DENND1A: variants seen among roughly 807,000 people sequenced by gnomAD.
DENND1A encodes DENN domain containing 1A.
Under a neutral mutation model 113.7 loss-of-function variants are expected in DENND1A, and 51 were observed. That is an observed-to-expected ratio of 0.45 (90% CI 0.36 to 0.57). The LOEUF (loss-of-function observed/expected upper bound fraction) is 0.57. Ranked by LOEUF, DENND1A falls within the 20% of genes least tolerant of loss-of-function variation. DENND1A has a pLI of 0.00. For synonymous variants in DENND1A, 565 were observed against 570.8 expected (o/e 0.99, Z 0.14); for missense variants, 1,258 against 1,395.9 (o/e 0.90, Z 1.57).
chr9:123,518,475 C>G (rs2054121323), intron 13 of DENND1A, among the ~76,000 whole-genome samples: 1 of 152,188 alleles, frequency 6.6e-6, no homozygotes, highest in African/African-American at 2.4e-5. Flanking sequence ...TGAGTTGGTC[C>G]TGCCCACCTA....
intron 13 of DENND1A, among the ~76,000 whole-genome samples, chr9:123,500,902 T>C (rs1050024404): frequency 6.6e-6 from 1 of 152,190 alleles, no homozygotes; most frequent in Admixed American, 6.5e-5. Context: ...GTCTACTAAC[T>C]TTCTTTTTTG....
intron 5 of DENND1A, among the ~76,000 whole-genome samples, chr9:123,728,730 G>A (rs1316699510): frequency 3.3e-5 from 5 of 152,012 alleles, no homozygotes; most frequent in Middle Eastern, 3.2e-3. Context: ...ATGATGCCAC[G>A]ATTAAGACAG....
intron 20 of DENND1A, among the ~76,000 whole-genome samples, chr9:123,407,768 C>T (rs546026563): frequency 1.3e-5 from 2 of 152,292 alleles, no homozygotes; most frequent in African/African-American, 4.8e-5. Flanking sequence ...AGCCAATTCC[C>T]CACTGGATTT....
intron 12 of DENND1A, among the ~76,000 whole-genome samples, chr9:123,578,896 GC>G (rs778682821): frequency 2.1e-4 from 32 of 152,230 alleles, no homozygotes; most frequent in Admixed American, 1.3e-3. Context: ...ATACTTGAGA[GC>G]AGGTCTTGAA....
chr9:123,414,378 GTTT>G, intron 19 of DENND1A: 1 of 1,427,454 alleles, frequency 7.0e-7, no homozygotes, highest in South Asian at 1.6e-5. Context: ...GCCTACATTT[GTTT>G]CCAGAGAGGA....
chr9:123,435,368 G>C (rs1319171187), intron 19 of DENND1A, among the ~76,000 whole-genome samples: 4 of 152,154 alleles, frequency 2.6e-5, no homozygotes, highest in Non-Finnish European at 4.4e-5. Context: ...GCAGAGACAA[G>C]CCGGCAACCA....
At chr9:123,882,322 C>CAAAAAAAA (rs59820553) in intron 1 of DENND1A, among the ~76,000 whole-genome samples, 3,630 of 123,990 alleles carry the variant, frequency 0.029, 48 homozygotes, top group Non-Finnish European at 0.044. Flanking sequence ...AACCTTGTTT[C>CAAAAAAAA]AAAAAAAAAA....
intron 13 of DENND1A, among the ~76,000 whole-genome samples, chr9:123,516,838 C>T (rs564501863): frequency 2.6e-4 from 34 of 130,930 alleles, no homozygotes; most frequent in South Asian, 4.9e-4. Flanking sequence ...GAGTTGAGAT[C>T]ACACACCACT....
intron 5 of DENND1A, among the ~76,000 whole-genome samples, chr9:123,679,360 T>C (rs2064293704): frequency 6.6e-6 from 1 of 152,136 alleles, no homozygotes; most frequent in African/African-American, 2.4e-5. Context: ...AAGGAGCTCC[T>C]AGCCTACTAT....
rs559476406 is a variant in DENND1A at position 123,629,051 on chromosome 9, C to T, written c.719+1325G>A. ...GGGAAGAGGGTGAGCCCAGCACGTT[C>T]CAATTAGGAGTGACTGTGGAATGCC... On this transcript the variant is annotated intron_variant, in intron 10 of 23. Coordinates refer to ENST00000394215, the MANE Select transcript of DENND1A (RefSeq NM_001352964.2). Among the ~76,000 whole-genome samples the T allele has an allele frequency of 3.9e-5, 6 of 152,304 alleles. No homozygotes were observed. In the East Asian group the frequency reaches 1.2e-3, roughly 29 times the overall value.
chr9:123,549,758 G>A (rs1180454612), intron 13 of DENND1A, among the ~76,000 whole-genome samples: 7 of 152,118 alleles, frequency 4.6e-5, no homozygotes, highest in Non-Finnish European at 4.4e-5. Context: ...TTAAATGGGG[G>A]CGGGGAACTA....
chr9:123,836,597 G>A (rs563496344), intron 2 of DENND1A, among the ~76,000 whole-genome samples: 1 of 152,134 alleles, frequency 6.6e-6, no homozygotes, highest in Non-Finnish European at 1.5e-5. Flanking sequence ...TATAGTTTGA[G>A]TCTAAGTTTT....
intron 9 of DENND1A, among the ~76,000 whole-genome samples, chr9:123,639,039 T>TAAAAAAAAAAAAAAAAAAAAAAAAAAAA (rs750972974): frequency 6.9e-4 from 22 of 32,102 alleles, no homozygotes; most frequent in Admixed American, 9.9e-4. Flanking sequence ...GCATGAGTAG[T>TAAAAAAAAAAAAAAAAAAAAAAAAAAAA]AAAAAAAAAA....
chr9:123,855,591 G>A (rs535351370), intron 2 of DENND1A, among the ~76,000 whole-genome samples: 2 of 152,272 alleles, frequency 1.3e-5, no homozygotes, highest in East Asian at 3.9e-4. Context: ...AGCCTTCTGT[G>A]CCACGCTAAG....
At chr9:123,767,018 T>TA (rs1259850382) in intron 4 of DENND1A, among the ~76,000 whole-genome samples, 1 of 152,172 alleles carries the variant, frequency 6.6e-6, no homozygotes, top group Non-Finnish European at 1.5e-5. Flanking sequence ...CCTGGGGCAT[T>TA]ACTTGTCTCC....
chr9:123,450,587 T>C, intron 18 of DENND1A, 106 bp downstream of exon 18: 1 of 830,048 alleles, frequency 1.2e-6, no homozygotes, highest in Non-Finnish European at 1.9e-6. Context: ...TTGAAGTGTG[T>C]TAACAACACT....
intron 4 of DENND1A, among the ~76,000 whole-genome samples, chr9:123,767,242 A>G (rs915726489): frequency 2.6e-5 from 4 of 152,202 alleles, no homozygotes; most frequent in African/African-American, 9.6e-5. Flanking sequence ...GTGGGGGAAC[A>G]GAAAGAAAAT....
chr9:123,498,082 T>C (rs939666418), intron 13 of DENND1A, among the ~76,000 whole-genome samples: 3 of 152,236 alleles, frequency 2.0e-5, no homozygotes, highest in African/African-American at 7.2e-5. Context: ...ATTTCCATGC[T>C]GACAACTAAG....
At chr9:123,497,467 A>T (rs145842686) in intron 13 of DENND1A, among the ~76,000 whole-genome samples, 14 of 152,284 alleles carry the variant, frequency 9.2e-5, no homozygotes, top group Non-Finnish European at 1.9e-4. Flanking sequence ...ACAGATGCAC[A>T]ACACCATGTC....
Sources: gnomAD v4.1 joint callset for allele counts (sites outside exome capture counted in the v4.1 genomes callset) on GRCh38, gnomAD v4.1.1 for gene constraint, MANE v1.5 for transcripts, NCBI Gene and HGNC (gene_info 2026-07-23, HGNC 2026-07-21) for gene names.